Variants in SMAD5 observed in about 807,000 individuals in gnomAD.
SMAD5 encodes the protein SMAD family member 5.
SMAD5 carries 9 observed loss-of-function variants against 43.1 expected under a neutral mutation model. The observed-to-expected ratio is 0.21, with a 90% CI of 0.13 to 0.36. The LOEUF (loss-of-function observed/expected upper bound fraction) is 0.36, where lower values mean the gene tolerates loss of function less well. Among genes scored for constraint, SMAD5 ranks in the 10% least tolerant of loss-of-function variants. SMAD5 has a pLI of 1.00. For missense variants in SMAD5, 348 were observed against 574.0 expected (o/e 0.61, Z 4.02); for synonymous variants, 190 against 192.4 (o/e 0.99, Z 0.10).
chr5:136,171,649 T>C (rs1754223949), intron 5 of SMAD5, among the ~76,000 whole-genome samples: 1 of 152,218 alleles, frequency 6.6e-6, no homozygotes, highest in African/African-American at 2.4e-5. Context: ...TTACCTGGTT[T>C]CATAGGTTTA....
At chr5:136,176,998 G>A (rs1415029180) in intron 7 of SMAD5, among the ~76,000 whole-genome samples, 1 of 151,940 alleles carries the variant, frequency 6.6e-6, no homozygotes, top group Non-Finnish European at 1.5e-5. Context: ...TCCCATTAAG[G>A]GAGAATGTAT....
chr5:136,157,702 C>T (rs1036626703), intron 3 of SMAD5, among the ~76,000 whole-genome samples: 3 of 152,068 alleles, frequency 2.0e-5, no homozygotes, highest in Admixed American at 6.5e-5. Context: ...TGACAGGAGG[C>T]GGAGTTCAGG....
At chr5:136,163,185 C>G (rs1221611833) in intron 4 of SMAD5, 87 bp from the exon 5 acceptor site, 2 of 1,156,280 alleles carry the variant, frequency 1.7e-6, no homozygotes, top group African/African-American at 3.2e-5. Context: ...ATGAAGCTTG[C>G]TGGTAATCTT....
intron 5 of SMAD5, among the ~76,000 whole-genome samples, chr5:136,170,480 G>T (rs1010408779): frequency 1.3e-5 from 2 of 151,916 alleles, no homozygotes; most frequent in Admixed American, 6.6e-5. Context: ...CTTGATTACT[G>T]TATCTTTATA....
chr5:136,137,695 G>A (rs1752937119), intron 1 of SMAD5, among the ~76,000 whole-genome samples: 1 of 152,168 alleles, frequency 6.6e-6, no homozygotes, highest in Non-Finnish European at 1.5e-5. Context: ...GTCTTCTTCT[G>A]TTTTCTTCTT....
intron 5 of SMAD5, among the ~76,000 whole-genome samples, chr5:136,171,975 A>C (rs1447553581): frequency 1.3e-5 from 2 of 152,196 alleles, no homozygotes; most frequent in African/African-American, 4.8e-5. Context: ...TTCCCTTATA[A>C]GAAGAGGAAA....
chr5:136,139,807 C>T (rs889393570), intron 1 of SMAD5, among the ~76,000 whole-genome samples: 2 of 151,106 alleles, frequency 1.3e-5, no homozygotes. Context: ...GTGATCCTCC[C>T]ACCTCAGCCT....
intron 1 of SMAD5, among the ~76,000 whole-genome samples, chr5:136,146,047 TCTATTAATTTGTGA>T (rs1358132028): frequency 6.6e-6 from 1 of 151,886 alleles, no homozygotes; most frequent in African/African-American, 2.4e-5. Context: ...TTTCAGTTGT[TCTATTAATTTGTGA>T]CTATTTAGAG....
chr5:136,171,807 G>A (rs1224269210), intron 5 of SMAD5, among the ~76,000 whole-genome samples: 1 of 152,196 alleles, frequency 6.6e-6, no homozygotes, highest in African/African-American at 2.4e-5. Context: ...TATTTTACAT[G>A]TAAGAATGAT....
At chr5:136,172,702 G>A (rs377074057) in intron 6 of SMAD5, 47 bp downstream of exon 6, 5 of 1,269,772 alleles carry the variant, frequency 3.9e-6, no homozygotes, top group African/African-American at 2.9e-5. Flanking sequence ...ATCATTTGTT[G>A]TACTTGCCAT....
intron 3 of SMAD5, among the ~76,000 whole-genome samples, chr5:136,160,563 TTC>T (rs942912267): frequency 1.1e-4 from 17 of 152,234 alleles, no homozygotes; most frequent in Admixed American, 8.5e-4. Context: ...TTGTGTTAAA[TTC>T]TCTGTTTTAT....
intron 2 of SMAD5, among the ~76,000 whole-genome samples, chr5:136,152,061 A>G (rs1307935785): frequency 6.6e-6 from 1 of 152,082 alleles, no homozygotes; most frequent in Non-Finnish European, 1.5e-5. Context: ...AGGAAAAATC[A>G]TCCTACATAG....
At chr5:136,134,890 A>G (rs953495702) in intron 1 of SMAD5, 2 of 152,184 alleles carry the variant, frequency 1.3e-5, no homozygotes, top group Admixed American at 6.5e-5. Flanking sequence ...CTTTCAGATC[A>G]TAGCTGAAAT....
At chr5:136,135,309 G>A (rs951953125) in intron 1 of SMAD5, among the ~76,000 whole-genome samples, 3 of 152,192 alleles carry the variant, frequency 2.0e-5, no homozygotes, top group African/African-American at 7.2e-5. Context: ...TCTTCACTGG[G>A]TTTTAATTCT....
intron 2 of SMAD5, chr5:136,152,663 T>A (rs1753509598): frequency 6.6e-6 from 1 of 152,180 alleles, no homozygotes; most frequent in East Asian, 1.9e-4. Flanking sequence ...ATTCTTTTTA[T>A]TCTTTATTTA....
intron 1 of SMAD5, among the ~76,000 whole-genome samples, chr5:136,145,188 A>G (rs1753219647): frequency 6.6e-6 from 1 of 151,802 alleles, no homozygotes; most frequent in South Asian, 2.1e-4. Context: ...GCTTTTGGCC[A>G]GGTGGCAGTT....
At chr5:136,145,136 A>G (rs1279694140) in intron 1 of SMAD5, among the ~76,000 whole-genome samples, 1 of 151,720 alleles carries the variant, frequency 6.6e-6, no homozygotes, top group Non-Finnish European at 1.5e-5. Context: ...TCACCTCATA[A>G]CATAACATTA....
At chr5:136,140,459 G>T (rs1753039656) in intron 1 of SMAD5, among the ~76,000 whole-genome samples, 3 of 152,056 alleles carry the variant, frequency 2.0e-5, no homozygotes, top group Admixed American at 2.0e-4. Context: ...CGTACACTGT[G>T]TTCTCAGGCT....
At chr5:136,159,939 A>T (rs761269591) in intron 3 of SMAD5, among the ~76,000 whole-genome samples, 3 of 152,202 alleles carry the variant, frequency 2.0e-5, no homozygotes, top group Non-Finnish European at 4.4e-5. Context: ...AGATTTTTCT[A>T]AGTGAAACTA....
Sources: allele counts gnomAD v4.1 joint callset (sites outside exome capture counted in the v4.1 genomes callset), GRCh38; gene constraint gnomAD v4.1.1; transcripts MANE v1.5; gene names NCBI Gene and HGNC (gene_info 2026-07-23, HGNC 2026-07-21).